Variants in FAF2 observed in about 807,000 individuals in gnomAD.
The protein encoded by FAF2 is Fas associated factor family member 2, also known as FAS-associated factor 2.
Under a neutral mutation model 62.3 loss-of-function variants are expected in FAF2, and 9 were observed. The observed-to-expected ratio is 0.14, with a 90% confidence interval of 0.09 to 0.25. The LOEUF is 0.25. Ranked by LOEUF, FAF2 falls within the 10% of genes least tolerant of loss-of-function variation. The pLI is 1.00. For missense variants in FAF2, 368 were observed against 556.2 expected, an observed-to-expected ratio of 0.66 and a Z score of 3.40; for synonymous variants, 202 against 198.0, an observed-to-expected ratio of 1.02 and a Z score of -0.17.
At chr5:176,487,684 A>G (rs1044918679) in intron 3 of FAF2, among the ~76,000 whole-genome samples, 1 of 152,206 alleles carries the variant, frequency 6.6e-6, no homozygotes, top group African/African-American at 2.4e-5. Flanking sequence ...ATAATTAATA[A>G]CAGCAATAAT....
rs1026477244 is a variant in FAF2 at position 176,507,710 on chromosome 5, C to G, written c.*760C>G. ...GTCCAACTCTTGCTGTCCTTTCTTA[C>G]CACCTGTGCACCCCACTTGGAGCAG... On this transcript the variant is annotated 3_prime_UTR_variant, in exon 11 of 11. Coordinates refer to ENST00000261942, the MANE Select transcript of FAF2 (RefSeq NM_014613.3). 6.5e-6 allele frequency: 1 copy of G among 153,164 alleles called. No homozygotes were observed. The highest frequency in any genetic ancestry group is 1.5e-5 in the Non-Finnish European group (1 of 68,600). The allele number at this position is 153,164 out of a possible 1,614,324, so 9.5% of individuals were successfully genotyped here. A position where few individuals can be genotyped will look rare whatever the true frequency, so the allele number is the denominator to read the frequency against.
intron 1 of FAF2, among the ~76,000 whole-genome samples, chr5:176,458,451 C>T (rs1179329853): frequency 2.6e-5 from 3 of 114,648 alleles, no homozygotes; most frequent in Non-Finnish European, 4.9e-5. Flanking sequence ...ACTCTCTCAC[C>T]CACGCTGGAG....
intron 1 of FAF2, among the ~76,000 whole-genome samples, chr5:176,466,951 A>G (rs2113723731): frequency 6.6e-6 from 1 of 151,132 alleles, no homozygotes; most frequent in South Asian, 2.1e-4. Flanking sequence ...CTATCAGGCA[A>G]TTACATTTTT....
At chr5:176,492,045 A>G in intron 4 of FAF2, 149 bp from the exon 5 acceptor site, 1 of 833,386 alleles carries the variant, frequency 1.2e-6, no homozygotes, top group Non-Finnish European at 2.0e-6. Flanking sequence ...ACCAGACTCT[A>G]CTCTCGGATT....
intron 1 of FAF2, among the ~76,000 whole-genome samples, chr5:176,471,080 C>G (rs1422936303): frequency 2.6e-5 from 4 of 152,180 alleles, no homozygotes; most frequent in Non-Finnish European, 5.9e-5. Context: ...CTTCCACCCC[C>G]ACATGTTTAA....
intron 4 of FAF2, among the ~76,000 whole-genome samples, chr5:176,491,182 G>A (rs561101193): frequency 2.0e-5 from 3 of 152,242 alleles, no homozygotes; most frequent in South Asian, 2.1e-4. Flanking sequence ...AAATATGCAC[G>A]GCATGTATTA....
chr5:176,490,729 A>G (rs914445526), intron 4 of FAF2, among the ~76,000 whole-genome samples: 2 of 152,210 alleles, frequency 1.3e-5, no homozygotes, highest in African/African-American at 2.4e-5. Flanking sequence ...ATGAACATGT[A>G]AAAATCTTTA....
intron 9 of FAF2, 109 bp downstream of exon 9, chr5:176,499,194 A>T: frequency 1.0e-6 from 1 of 984,342 alleles, no homozygotes; most frequent in Non-Finnish European, 1.4e-6. Flanking sequence ...ACAGACTAAG[A>T]GGGAAAAAAA....
intron 3 of FAF2, 73 bp downstream of exon 3, chr5:176,486,562 C>A: frequency 6.8e-7 from 1 of 1,465,274 alleles, no homozygotes; most frequent in South Asian, 1.2e-5. Flanking sequence ...ATTGATCTCC[C>A]TGTGACAGGA....
At chr5:176,450,752 A>G (rs554488122) in intron 1 of FAF2, among the ~76,000 whole-genome samples, 41 of 152,224 alleles carry the variant, frequency 2.7e-4, no homozygotes, top group African/African-American at 9.4e-4. Flanking sequence ...ACGGGGTTTC[A>G]CGATGTTGGC....
chr5:176,461,504 T>G (rs963267945), intron 1 of FAF2, among the ~76,000 whole-genome samples: 3 of 151,522 alleles, frequency 2.0e-5, no homozygotes, highest in African/African-American at 7.3e-5. Context: ...TTTTATTTTT[T>G]TTTTTTAGAG....
chr5:176,469,466 TTCTC>T (rs1355796648), intron 1 of FAF2, among the ~76,000 whole-genome samples: 1 of 152,206 alleles, frequency 6.6e-6, no homozygotes, highest in Non-Finnish European at 1.5e-5. Context: ...GCAATATTCT[TTCTC>T]TCTGAACAAA....
chr5:176,449,416 A>G (rs1758125760), intron 1 of FAF2, among the ~76,000 whole-genome samples: 1 of 152,182 alleles, frequency 6.6e-6, no homozygotes, highest in African/African-American at 2.4e-5. Context: ...CTCTACTAAA[A>G]ATACAAATAT....
intron 1 of FAF2, among the ~76,000 whole-genome samples, chr5:176,476,750 A>G (rs1758699589): frequency 7.0e-6 from 1 of 143,574 alleles, no homozygotes; most frequent in Non-Finnish European, 1.5e-5. Flanking sequence ...CCCCCACCAC[A>G]GCCTCCCGAG....
At chr5:176,502,768 G>A (rs897761936) in intron 10 of FAF2, among the ~76,000 whole-genome samples, 7 of 151,658 alleles carry the variant, frequency 4.6e-5, no homozygotes, top group Non-Finnish European at 7.4e-5. Context: ...AAAGAGTATC[G>A]GCTGGGCGTG....
At chr5:176,500,171 A>C (rs749855390) in intron 10 of FAF2, 25 bp downstream of exon 10, 1 of 1,611,538 alleles carries the variant, frequency 6.2e-7, no homozygotes, top group Non-Finnish European at 8.5e-7. Flanking sequence ...AGTTCTGTGA[A>C]GTGTATGTAG....
chr5:176,503,570 AAAG>A, intron 10 of FAF2, among the ~76,000 whole-genome samples: 1 of 152,128 alleles, frequency 6.6e-6, no homozygotes, highest in Non-Finnish European at 1.5e-5. Context: ...AAAAAAAAAA[AAAG>A]ACCTTGTATC....
intron 1 of FAF2, among the ~76,000 whole-genome samples, chr5:176,464,008 G>T (rs1160175768): frequency 6.6e-6 from 1 of 152,164 alleles, no homozygotes; most frequent in Non-Finnish European, 1.5e-5. Flanking sequence ...GAGATTACAG[G>T]CGTGAGCCAC....
At chr5:176,469,275 G>C (rs1758519761) in intron 1 of FAF2, among the ~76,000 whole-genome samples, 1 of 152,068 alleles carries the variant, frequency 6.6e-6, no homozygotes, top group African/African-American at 2.4e-5. Context: ...TGTAGAAAAA[G>C]AATTATAATT....
Sources: gnomAD v4.1 joint callset for allele counts (sites outside exome capture counted in the v4.1 genomes callset) on GRCh38, gnomAD v4.1.1 for gene constraint, MANE v1.5 for transcripts, NCBI Gene and HGNC (gene_info 2026-07-23, HGNC 2026-07-21) for gene names.